The following CEP250 variants were observed in gnomAD, a reference collection of about 807,000 sequenced individuals.
CEP250 encodes centrosomal protein 250, also known as centrosome-associated protein CEP250.
In CEP250, 242 loss-of-function variants were observed where a neutral mutation model predicts 315.7. The ratio of observed to expected loss-of-function variants is 0.77; its 90% CI spans 0.69 to 0.85. The LOEUF (loss-of-function observed/expected upper bound fraction) is 0.85, where lower values mean the gene tolerates loss of function less well. Ranked by LOEUF, CEP250 falls within the 40% of genes least tolerant of loss-of-function variation. The pLI is 0.00. For missense variants in CEP250, 2,515 were observed against 2,886.4 expected (o/e 0.87, Z 2.95); for synonymous variants, 1,088 against 1,175.0 (o/e 0.93, Z 1.51).
In CEP250 at chr20:35,477,962, A is replaced by G. The variant is rs1338328550; in HGVS notation, c.1955A>G (p.Lys652Arg). 2 of 1,613,180 alleles carry G rather than the reference A, an allele frequency of 1.2e-6. No individual in the cohort carries two copies. The highest frequency in any genetic ancestry group is 2.2e-5 in the South Asian group (2 of 90,794). ...CAGGTCGACCTGGCGGAGGCAGAGA[A>G]GAGGAGGGAAGCCCTGTGGGAAAAG... ...ALQVDLAEAE[K>R]RREALWEKNT... Residue 652 changes from lysine to arginine, a missense_variant, in exon 17 of 35, where the codon AAG (lysine) becomes AGG (arginine). Transcript: ENST00000397527.
chr20:35,494,703 C>T (rs1373321248), intron 24 of CEP250, 46 bp downstream of exon 24: 1 of 1,608,708 alleles, frequency 6.2e-7, no homozygotes, highest in Middle Eastern at 1.7e-4. Context: ...ATCTGGCTGC[C>T]ATGGTCACTG....
chr20:35,507,870 G>T lies in CEP250; in HGVS notation c.6750+19G>T. 1.9e-6 allele frequency: 3 copies of T among 1,608,292 alleles called. No individual in the cohort carries two copies. The highest frequency in any genetic ancestry group is 2.6e-6 in the Non-Finnish European group (3 of 1,176,390). On this transcript the variant is annotated intron_variant, in intron 31 of 34. Transcript: ENST00000397527. The stretch of plus-strand genomic sequence containing the variant: ...GGGAGAGGTGAGCTGGGGGCTCTGG[G>T]GGAACAGGTGACCCAGCAGGGAGCT...
intron 12 of CEP250, among the ~76,000 whole-genome samples, 168 bp downstream of exon 12, chr20:35,472,999 G>A (rs1236558157): frequency 6.6e-6 from 1 of 152,160 alleles, no homozygotes; most frequent in African/African-American, 2.4e-5. Context: ...AATTGTGCTT[G>A]TGAGTAGCAG....
chr20:35,490,942 A>T (rs571101259), intron 21 of CEP250, 138 bp downstream of exon 21: 1 of 1,043,300 alleles, frequency 9.6e-7, no homozygotes, highest in Admixed American at 2.6e-5. Flanking sequence ...GCTAACAGTG[A>T]GCAGGGTGGT....
At chr20:35,477,732 T>C in intron 16 of CEP250, 139 bp from the exon 17 acceptor site, 2 of 702,358 alleles carry the variant, frequency 2.8e-6, no homozygotes, top group Non-Finnish European at 4.8e-6. Flanking sequence ...GAATGGATTT[T>C]CCCCCATCTT....
intron 21 of CEP250, 183 bp from the exon 22 acceptor site, chr20:35,491,029 T>C: frequency 1.2e-6 from 1 of 826,136 alleles, no homozygotes; most frequent in Non-Finnish European, 1.9e-6. Flanking sequence ...TCCTGTCAGC[T>C]TGCAAACCAG....
chr20:35,498,639 A>T lies in CEP250; in HGVS notation c.3700A>T (p.Thr1234Ser), dbSNP rs895106109. 1.9e-6 allele frequency: 3 copies of T among 1,608,054 alleles called. No individual in the cohort carries two copies. The highest frequency in any genetic ancestry group is 2.7e-5 in the African/African-American group (2 of 74,386). The change falls in exon 27 of 35, where the codon ACT becomes TCT. Residue 1234 changes from threonine to serine, a missense_variant. Thr to Ser is a moderately conservative substitution (Grantham distance 58). Transcript: ENST00000397527. ...RSLFKRGPLL[T>S]ALSAEAVASA... ...CCTCTTTAAGAGAGGGCCCCTGCTG[A>T]CTGCTCTCTCCGCTGAGGCAGTAGC...
rs145923641 is a variant in CEP250, at chr20:35,503,394, C to T, written c.5025C>T (p.Thr1675=). 77 of 1,614,022 alleles carry T rather than the reference C, an allele frequency of 4.8e-5. 1 individual carries two copies. In the African/African-American group the frequency reaches 8.9e-4, roughly 19 times the overall value. The change falls in exon 30 of 35, where the codon ACC becomes ACT. Residue 1675 remains threonine, a synonymous_variant. Coordinates refer to ENST00000397527, the MANE Select transcript of CEP250 (RefSeq NM_007186.6). This position sits in a 1 kb window ranked among gnomAD's most constrained non-coding sequence, Gnocchi z 4.2. ...TTCAGGTTCTCGAGGATCAGAGGACCCGGCAGACCAAGATCCTGGAGGAGG... is the reference window on the plus strand; with the variant it reads ...TTCAGGTTCTCGAGGATCAGAGGACTCGGCAGACCAAGATCCTGGAGGAGG... ...ERIQVLEDQR[T]RQTKILEEDL...
Position 35,466,993 on chromosome 20 carries a change from C to A in CEP250, c.520C>A (p.His174Asn), listed in dbSNP as rs1211197591. The A allele has an allele frequency of 2.5e-6, 4 of 1,613,568 alleles. No homozygotes were observed. The Admixed American group carries it at 6.7e-5, about 27-fold the overall frequency. The change falls in exon 8 of 35, where the codon CAC (histidine) becomes AAC (asparagine). Residue 174 changes from histidine to asparagine, a missense_variant. By Grantham distance (68) the His-to-Asn change is moderately conservative (BLOSUM62 1). Coordinates refer to ENST00000397527, the MANE Select transcript of CEP250 (RefSeq NM_007186.6). ...CTTCAAGGGCTACCTGAAAGGGGAG[C>A]ACGGTCGCCTTCTCAGTCTATGGCG... is the stretch of plus-strand genomic sequence containing the variant. ...EFFKGYLKGE[H>N]GRLLSLWREV...
chr20:35,501,840 C>G lies in CEP250; in HGVS notation c.3899-5C>G, dbSNP rs568938479. 1.3e-6 allele frequency: 2 copies of G among 1,597,664 alleles called. No individual in the cohort carries two copies. The highest frequency in any genetic ancestry group is 1.7e-6 in the Non-Finnish European group (2 of 1,173,038). On this transcript the variant is annotated splice_region_variant and splice_polypyrimidine_tract_variant and intron_variant, in intron 28 of 34. Transcript: ENST00000397527. ...CCTCTCCTCTCCTCTCCTCTCTTCT[C>G]AAAGAGAAATCTAAGTGGGAAGGAA...
intron 24 of CEP250, among the ~76,000 whole-genome samples, chr20:35,495,567 C>T (rs76743652): frequency 3.3e-5 from 5 of 152,054 alleles, no homozygotes; most frequent in African/African-American, 1.2e-4. Context: ...CAAGACCAGC[C>T]TGGCCAACAT....
intron 20 of CEP250, among the ~76,000 whole-genome samples, chr20:35,487,047 C>T (rs750794135): frequency 1.3e-5 from 2 of 152,208 alleles, no homozygotes; most frequent in Non-Finnish European, 2.9e-5. Context: ...AGCTAATCCT[C>T]CTGACTTCTG....
intron 29 of CEP250, 86 bp downstream of exon 29, chr20:35,502,052 C>T (rs574523612): frequency 6.8e-7 from 1 of 1,467,556 alleles, no homozygotes; most frequent in Non-Finnish European, 9.1e-7. Context: ...TGTCCCACTT[C>T]CTTCAGCAAG....
intron 30 of CEP250, among the ~76,000 whole-genome samples, chr20:35,505,726 T>C (rs1031344406): frequency 4.6e-5 from 7 of 150,902 alleles, no homozygotes; most frequent in African/African-American, 1.7e-4. Context: ...GGAGGAGCAT[T>C]CACGGGAAGA....
intron 24 of CEP250, among the ~76,000 whole-genome samples, chr20:35,495,600 A>T (rs2063814288): frequency 4.6e-5 from 7 of 152,164 alleles, no homozygotes; most frequent in Admixed American, 4.6e-4. Context: ...TACAAAAAAA[A>T]ATTAGCTGGG....
Position 35,517,099 on chromosome 20 carries a change from C to T in CEP250, c.*5473C>T, listed in dbSNP as rs923588595. 9 of 859,880 alleles carry T rather than the reference C, an allele frequency of 1.0e-5. No homozygotes were observed. Among genetic ancestry groups the T allele is most frequent in the African/African-American group, 5.5e-5 (3 of 54,766 alleles). The allele number at this position is 859,880 out of a possible 1,614,324, so 53.3% of individuals were successfully genotyped here. On this transcript the variant is annotated 3_prime_UTR_variant, in exon 35 of 35. Transcript: ENST00000397527. Reference sequence around the variant, plus strand: ...TGTTGGCCTCCATCCCTTCCTCAACCGTCCGCAGAACACCTCCTTCCAGCA... The same window carrying T: ...TGTTGGCCTCCATCCCTTCCTCAACTGTCCGCAGAACACCTCCTTCCAGCA...
Position 35,507,827 on chromosome 20 carries a change from G to A in CEP250, c.6726G>A (p.Gly2242=), listed in dbSNP as rs1448787130. Residue 2242 remains glycine (G), a synonymous_variant, in exon 31 of 35, where the codon GGG becomes GGA. Transcript: ENST00000397527. ...GCACAGCAGAACTGGGGTCCAGAGGGGAGCAGGGTGTGCAGCTGGGAGAGG... is the reference window on the plus strand; with the variant it reads ...GCACAGCAGAACTGGGGTCCAGAGGAGAGCAGGGTGTGCAGCTGGGAGAGG... The part of the protein sequence containing the change: ...ATSTAELGSR[G]EQGVQLGEVS... The A allele has an allele frequency of 1.3e-6, 2 of 1,592,498 alleles. No individual in the cohort carries two copies. The highest frequency in any genetic ancestry group is 1.7e-6 in the Non-Finnish European group (2 of 1,169,948).
chr20:35,479,249 G>GCAGCCA lies in CEP250; in HGVS notation c.2115_2120dup (p.Ala706_Thr707dup). 1 of 1,613,962 alleles carries GCAGCCA rather than the reference G, an allele frequency of 6.2e-7. No individual in the cohort carries two copies. The highest frequency in any genetic ancestry group is 1.3e-5 in the African/African-American group (1 of 75,052). Reference sequence around the variant, plus strand: ...CCCTCAGTCACGTCACCAGCAGGAGGCAGCCACGACTCAGCTGGAGCAGCT... The same window carrying GCAGCCA: ...CCCTCAGTCACGTCACCAGCAGGAGGCAGCCACAGCCACGACTCAGCTGGAGCAGCT... On this transcript the variant is annotated inframe_insertion, in exon 18 of 35. Coordinates refer to ENST00000397527, the MANE Select transcript of CEP250 (RefSeq NM_007186.6).
chr20:35,500,458 G>A (rs925349395), intron 28 of CEP250, among the ~76,000 whole-genome samples: 6 of 152,080 alleles, frequency 3.9e-5, no homozygotes, highest in Non-Finnish European at 5.9e-5. Context: ...CGGAGCCACC[G>A]GGGTCTCTAG....
Sources: gnomAD v4.1 joint callset for allele counts (sites outside exome capture counted in the v4.1 genomes callset) on GRCh38, gnomAD v4.1.1 for gene constraint, Gnocchi (gnomAD v3.1) non-coding constraint, MANE v1.5 for transcripts, NCBI Gene and HGNC (gene_info 2026-07-23, HGNC 2026-07-21) for gene names.